Variants in ZDHHC1 observed in about 807,000 individuals in gnomAD.
ZDHHC1 encodes the protein zDHHC palmitoyltransferase 1, also known as palmitoyltransferase ZDHHC1.
A neutral mutation model predicts 46.9 loss-of-function variants in ZDHHC1; 45 were observed. The ratio of observed to expected loss-of-function variants is 0.96; its 90% confidence interval spans 0.76 to 1.23. The LOEUF (loss-of-function observed/expected upper bound fraction) is 1.23, where lower values mean the gene tolerates loss of function less well. Ranked by LOEUF, ZDHHC1 falls within the 50% of genes most tolerant of loss-of-function variation. ZDHHC1 has a pLI of 0.00. For missense variants in ZDHHC1, 649 were observed against 670.8 expected, an observed-to-expected ratio of 0.97 and a Z score of 0.36; for synonymous variants, 291 against 286.0, an observed-to-expected ratio of 1.02 and a Z score of -0.18.
chr16:67,398,293 G>T lies in ZDHHC1; in HGVS notation c.846C>A (p.Ile282=), dbSNP rs773026738. ...CCTCCTGTGGTGGGCGGTGCTGCAC[G>T]ATGTACTCATAGGTGGTGAGCTTGT... ...MWHKLTTYEY[I]VQHRPPQEAK... is the part of the protein sequence containing the mutation. The change falls in exon 8 of 12, where the codon ATC becomes ATA. Residue 282 remains isoleucine (I), a synonymous_variant. Coordinates refer to ENST00000565726, the MANE Select transcript of ZDHHC1 (RefSeq NM_001323627.2). 6.2e-7 allele frequency: 1 copy of T among 1,614,008 alleles called. No individual in the cohort carries two copies. The highest frequency in any genetic ancestry group is 8.5e-7 in the Non-Finnish European group (1 of 1,179,954).
chr16:67,415,001 G>C (rs1230313601), intron 1 of ZDHHC1, among the ~76,000 whole-genome samples: 1 of 152,182 alleles, frequency 6.6e-6, no homozygotes, highest in Non-Finnish European at 1.5e-5. Context: ...GCTGGGTGTG[G>C]TGGCAGGCGC....
rs757671806 is a variant in ZDHHC1, at chr16:67,399,371, CCA to C, written c.512_513del (p.Val171GlyfsTer47). 5.6e-6 allele frequency: 9 copies of C among 1,613,040 alleles called. No homozygotes were observed. The African/African-American group carries it at 9.3e-5, about 17-fold the overall frequency. The stretch of plus-strand genomic sequence containing the variant: ...TGTCCTCACCGGTAGTTCCGCTCGC[CCA>C]CACAGTTGTTGAGCCACTTGCAGTG... ...DHHCKWLNNC[V>X]GERNYRLFLH... On this transcript the variant is annotated frameshift_variant, in exon 5 of 12. Coordinates refer to ENST00000565726, the MANE Select transcript of ZDHHC1 (RefSeq NM_001323627.2). LOFTEE classifies it high-confidence loss of function.
At position 67,401,003 on chromosome 16, in the gene ZDHHC1, C is replaced by T. The variant is rs772345366; in HGVS notation, c.382G>A (p.Ala128Thr). The part of the protein sequence containing the change: ...PLPIFNRSQH[A>T]HVIEDLHCNL... ...CAGTGCAGGTCTTCAATGACATGTG[C>T]GTGCTGGCTTCGGTTGAAGATGGGC... Residue 128 changes from alanine to threonine, a missense_variant, in exon 4 of 12, where the codon GCA becomes ACA. Transcript: ENST00000565726. The surrounding 1 kb of genome is among the most constrained non-coding windows in gnomAD (Gnocchi z 4.6). 5 of 1,614,148 alleles carry T rather than the reference C, an allele frequency of 3.1e-6. No homozygotes were observed. The highest frequency in any genetic ancestry group is 1.1e-5 in the South Asian group (1 of 91,088).
At chr16:67,403,486 C>T (rs1469314167) in intron 3 of ZDHHC1, among the ~76,000 whole-genome samples, 5 of 152,162 alleles carry the variant, frequency 3.3e-5, no homozygotes, top group East Asian at 3.9e-4. Flanking sequence ...AAGGGGCTTC[C>T]GGGCAGAGAC....
intron 1 of ZDHHC1, among the ~76,000 whole-genome samples, chr16:67,414,020 T>C (rs1183862057): frequency 6.6e-6 from 1 of 152,000 alleles, no homozygotes; most frequent in Non-Finnish European, 1.5e-5. Flanking sequence ...TGACATGGTT[T>C]GCAAACATTT....
intron 4 of ZDHHC1, among the ~76,000 whole-genome samples, chr16:67,400,593 C>T (rs560528097): frequency 2.0e-5 from 3 of 152,178 alleles, no homozygotes; most frequent in Non-Finnish European, 4.4e-5. Context: ...GAAAGCCATG[C>T]GGGGTGGCTG....
chr16:67,414,659 A>T (rs1361065519), intron 1 of ZDHHC1, among the ~76,000 whole-genome samples: 1 of 152,228 alleles, frequency 6.6e-6, no homozygotes, highest in East Asian at 1.9e-4. Context: ...GTAGTCACTG[A>T]TTTCAGATGT....
intron 1 of ZDHHC1, among the ~76,000 whole-genome samples, chr16:67,413,755 C>T (rs933498814): frequency 1.5e-5 from 2 of 136,758 alleles, no homozygotes; most frequent in African/African-American, 7.3e-5. Flanking sequence ...GCCTGGCCAA[C>T]ATGGTGAAAC....
At chr16:67,412,531 C>T (rs769180806) in intron 1 of ZDHHC1, among the ~76,000 whole-genome samples, 4 of 152,152 alleles carry the variant, frequency 2.6e-5, no homozygotes, top group Non-Finnish European at 5.9e-5. Context: ...AATTCTAAGA[C>T]GCTTGGCTGC....
chr16:67,409,326 T>C (rs185703605), intron 1 of ZDHHC1, among the ~76,000 whole-genome samples: 15 of 149,926 alleles, frequency 1.0e-4, no homozygotes, highest in Admixed American at 2.6e-4. Flanking sequence ...ATCAGGATAC[T>C]CCCTGATACT....
intron 1 of ZDHHC1, 35 bp from the exon 2 acceptor site, chr16:67,407,848 T>C: frequency 1.3e-6 from 1 of 765,010 alleles, no homozygotes; most frequent in East Asian, 2.4e-5. Flanking sequence ...CAGTAAATGG[T>C]GTGGAATCCT....
chr16:67,399,385 A>G lies in ZDHHC1; in HGVS notation c.500T>C (p.Leu167Pro). Residue 167 changes from leucine to proline, a missense_variant, in exon 5 of 12, where the codon CTC becomes CCC. Coordinates refer to ENST00000565726, the MANE Select transcript of ZDHHC1 (RefSeq NM_001323627.2). ...GTTCCGCTCGCCCACACAGTTGTTG[A>G]GCCACTTGCAGTGGTGGTCGAAACC... is the stretch of plus-strand genomic sequence containing the variant. ...VCGFDHHCKW[L>P]NNCVGERNYR... 6.2e-7 allele frequency: 1 copy of G among 1,613,266 alleles called. No individual in the cohort carries two copies. The highest frequency in any genetic ancestry group is 1.7e-5 in the Admixed American group (1 of 60,006).
At chr16:67,409,133 T>A (rs1373771573) in intron 1 of ZDHHC1, among the ~76,000 whole-genome samples, 1 of 152,064 alleles carries the variant, frequency 6.6e-6, no homozygotes, top group Non-Finnish European at 1.5e-5. Context: ...AGCTGCTGTA[T>A]CCCTGACTCC....
In ZDHHC1 at chr16:67,395,548, G is replaced by T; in HGVS notation, c.946C>A (p.Arg316=). Residue 316 remains arginine, a synonymous_variant, in exon 9 of 12, where the codon CGG becomes AGG. Coordinates refer to ENST00000565726, the MANE Select transcript of ZDHHC1 (RefSeq NM_001323627.2). ...TCTGGGCGCATATGTCTGAAGGTCC[G>T]CATGTAGAACTCCATCTCCTGGGGA... ...RPIQEMEFYM[R]TFRHMRPEPP... is the part of the protein sequence containing the mutation. The T allele has an allele frequency of 6.4e-7, 1 of 1,554,114 alleles. No homozygotes were observed. The highest frequency in any genetic ancestry group is 8.7e-7 in the Non-Finnish European group (1 of 1,148,196).
chr16:67,410,228 GGCCCAGCAGGGA>G (rs1026586147), intron 1 of ZDHHC1, among the ~76,000 whole-genome samples: 24 of 152,176 alleles, frequency 1.6e-4, no homozygotes, highest in African/African-American at 5.8e-4. Context: ...GCACCACAGT[GGCCCAGCAGGGA>G]GCCCAGCAGC....
chr16:67,398,110 G>T, intron 8 of ZDHHC1, 102 bp downstream of exon 8: 1 of 1,192,090 alleles, frequency 8.4e-7, no homozygotes, highest in Non-Finnish European at 1.2e-6. Context: ...CCCAGCGGCT[G>T]TTCCAGGCTT....
chr16:67,394,912 C>A lies in ZDHHC1; in HGVS notation c.1166-19G>T. On this transcript the variant is annotated intron_variant, in intron 11 of 11. Transcript: ENST00000565726. ...CTAGGCCCTGCGCAAGGGAAGGGAA[C>A]ATGAGCCCAGTGGCTGCGGCTCGCT... The A allele has an allele frequency of 6.4e-7, 1 of 1,569,494 alleles. No individual in the cohort carries two copies. The highest frequency in any genetic ancestry group is 8.6e-7 in the Non-Finnish European group (1 of 1,157,930).
intron 8 of ZDHHC1, among the ~76,000 whole-genome samples, chr16:67,397,029 G>A (rs1041522011): frequency 3.9e-5 from 6 of 152,210 alleles, no homozygotes; most frequent in Admixed American, 6.5e-5. Flanking sequence ...CTTCAAAACC[G>A]TGTACATTCC....
chr16:67,399,598 C>T (rs1000964395), intron 4 of ZDHHC1, 142 bp from the exon 5 acceptor site: 1 of 631,384 alleles, frequency 1.6e-6, no homozygotes, highest in Non-Finnish European at 2.6e-6. Flanking sequence ...GAGGAGCGCG[C>T]GCGCCCTCTG....
Sources: gnomAD v4.1 joint callset for allele counts (sites outside exome capture counted in the v4.1 genomes callset) on GRCh38, gnomAD v4.1.1 for gene constraint, Gnocchi (gnomAD v3.1) non-coding constraint, MANE v1.5 for transcripts, NCBI Gene and HGNC (gene_info 2026-07-23, HGNC 2026-07-21) for gene names.